ASXL3: variants seen among roughly 807,000 people sequenced by gnomAD.
The protein encoded by ASXL3 is ASXL transcriptional regulator 3.
ASXL3 carries 34 observed loss-of-function variants against 170.6 expected under a neutral mutation model. That is an observed-to-expected ratio of 0.20 (90% CI 0.15 to 0.27). The LOEUF (loss-of-function observed/expected upper bound fraction) is 0.27. ASXL3 is among the 10% of genes least tolerant of loss of function. The pLI, the probability that ASXL3 is intolerant of heterozygous loss-of-function variation, is 1.00. For missense variants in ASXL3, 2,592 were observed against 2,695.3 expected (o/e 0.96, Z 0.85); for synonymous variants, 1,002 against 989.1 (o/e 1.01, Z -0.24).
At chr18:33,613,071 G>A (rs2065363289) in intron 2 of ASXL3, among the ~76,000 whole-genome samples, 1 of 152,070 alleles carries the variant, frequency 6.6e-6, no homozygotes, top group African/African-American at 2.4e-5. Flanking sequence ...GCATATATTT[G>A]TGTGTGTACA....
intron 4 of ASXL3, among the ~76,000 whole-genome samples, chr18:33,650,700 T>C (rs1420158089): frequency 1.3e-5 from 2 of 152,082 alleles, no homozygotes. Context: ...TACCCAAACA[T>C]ATCCAGCTAA....
At chr18:33,669,203 G>A (rs2066304130) in intron 5 of ASXL3, among the ~76,000 whole-genome samples, 2 of 152,134 alleles carry the variant, frequency 1.3e-5, no homozygotes, top group African/African-American at 2.4e-5. Context: ...GTGCAATTAT[G>A]TATACATCTT....
chr18:33,746,795 T>C lies in ASXL3; in HGVS notation c.*200T>C. On this transcript the variant is annotated 3_prime_UTR_variant, in exon 12 of 12. Transcript: ENST00000269197. ...CCCAACTGAATGGCTCACTGGCATGTCTTTTATGTGTTCAGTTGCCATTCC... is the reference window on the plus strand; with the variant it reads ...CCCAACTGAATGGCTCACTGGCATGCCTTTTATGTGTTCAGTTGCCATTCC... The C allele has an allele frequency of 1.2e-6, 1 of 812,506 alleles. No homozygotes were observed. The highest frequency in any genetic ancestry group is 1.8e-6 in the Non-Finnish European group (1 of 563,118). The allele number at this position is 812,506 out of a possible 1,614,324, so 50.3% of individuals were successfully genotyped here. A position where few individuals can be genotyped will look rare whatever the true frequency, so the allele number is the denominator to read the frequency against.
At position 33,745,533 on chromosome 18, in the gene ASXL3, A is replaced by T; in HGVS notation, c.5685A>T (p.Lys1895Asn). ...GAATTGTTCACAGCCCTGAGGTCAA[A>T]CAGCAAAAGCGGCTGCTCCCCTCGT... ...QNRIVHSPEV[K>N]QQKRLLPSCS... The change falls in exon 12 of 12, where the codon AAA becomes AAT. Residue 1895 changes from lysine (K) to asparagine (N), a missense_variant. By Grantham distance (94) the Lys-to-Asn change is moderately conservative (BLOSUM62 0). Coordinates refer to ENST00000269197, the MANE Select transcript of ASXL3 (RefSeq NM_030632.3). 6.2e-7 allele frequency: 1 copy of T among 1,613,986 alleles called. No homozygotes were observed. The highest frequency in any genetic ancestry group is 8.5e-7 in the Non-Finnish European group (1 of 1,179,896).
chr18:33,599,892 G>A (rs1448708201), intron 1 of ASXL3, among the ~76,000 whole-genome samples: 3 of 152,046 alleles, frequency 2.0e-5, no homozygotes, highest in Non-Finnish European at 4.4e-5. Context: ...GAAAGATCTG[G>A]AACTTTTAGT....
At chr18:33,665,840 T>C (rs2066247564) in intron 5 of ASXL3, among the ~76,000 whole-genome samples, 1 of 152,194 alleles carries the variant, frequency 6.6e-6, no homozygotes, top group Non-Finnish European at 1.5e-5. Context: ...TTGATTTCTT[T>C]CCTTGCACTT....
intron 2 of ASXL3, chr18:33,614,886 CAAACA>C (rs1198574386): frequency 6.6e-6 from 1 of 151,800 alleles, no homozygotes. Context: ...AACCATGTTG[CAAACA>C]GATGTGGTGT....
chr18:33,578,608 C>G lies in ASXL3; in HGVS notation c.-24C>G. The G allele has an allele frequency of 7.6e-7, 1 of 1,313,114 alleles. No individual in the cohort carries two copies. The highest frequency in any genetic ancestry group is 1.0e-6 in the Non-Finnish European group (1 of 1,003,260). 81.3% of individuals were successfully genotyped at this position (1,313,114 alleles called of 1,614,324 possible). On this transcript the variant is annotated 5_prime_UTR_variant, in exon 1 of 12. In the 5' UTR this introduces an upstream ATG that the reference lacks. Coordinates refer to ENST00000269197, the MANE Select transcript of ASXL3 (RefSeq NM_030632.3). ...CCCGTGGAATCCCCCACGTCATCAT[C>G]AGAACCATCAATGAGATGCAAACAT...
chr18:33,625,660 T>C (rs2065591449), intron 2 of ASXL3: 1 of 152,090 alleles, frequency 6.6e-6, no homozygotes. Context: ...TCTAGGTATC[T>C]GACATCAGCA....
intron 10 of ASXL3, among the ~76,000 whole-genome samples, chr18:33,738,160 C>T (rs868716183): frequency 4.9e-4 from 74 of 151,442 alleles, no homozygotes; most frequent in African/African-American, 1.7e-3. Flanking sequence ...ATAAATTAAG[C>T]ATGTTAGTGA....
intron 2 of ASXL3, among the ~76,000 whole-genome samples, chr18:33,634,203 A>G (rs1271550391): frequency 6.6e-6 from 1 of 152,170 alleles, no homozygotes; most frequent in Non-Finnish European, 1.5e-5. Context: ...ACAAAATTAG[A>G]GAAGAGTCAC....
intron 8 of ASXL3, among the ~76,000 whole-genome samples, chr18:33,722,911 C>T (rs1304336557): frequency 6.6e-6 from 1 of 152,082 alleles, no homozygotes; most frequent in African/African-American, 2.4e-5. Flanking sequence ...ATCCTACAGC[C>T]CTTAAGAATT....
intron 2 of ASXL3, among the ~76,000 whole-genome samples, chr18:33,636,946 T>A (rs1465877117): frequency 6.6e-6 from 1 of 152,142 alleles, no homozygotes; most frequent in Admixed American, 6.5e-5. Flanking sequence ...ATTTCAAATT[T>A]TCAGATTTGG....
At chr18:33,690,982 A>G (rs1317749242) in intron 8 of ASXL3, among the ~76,000 whole-genome samples, 1 of 152,088 alleles carries the variant, frequency 6.6e-6, no homozygotes, top group African/African-American at 2.4e-5. Flanking sequence ...TGGCTCTGTG[A>G]TTCCCTCCTG....
intron 8 of ASXL3, among the ~76,000 whole-genome samples, chr18:33,707,703 T>C (rs1432173546): frequency 1.3e-5 from 2 of 152,008 alleles, no homozygotes. Context: ...TGGTATAGTG[T>C]TGAAGACAAG....
At position 33,743,340 on chromosome 18, in the gene ASXL3, C is replaced by T. The variant is rs541759227; in HGVS notation, c.3492C>T (p.Asn1164=). The change falls in exon 12 of 12, where the codon AAC becomes AAT. Residue 1164 remains asparagine (N), a synonymous_variant. Coordinates refer to ENST00000269197, the MANE Select transcript of ASXL3 (RefSeq NM_030632.3). ...CTGGTGTCATTATTGTCAATCCAAACTGTAGATCTCCTAGCAACAAGTCTG... is the reference window on the plus strand; with the variant it reads ...CTGGTGTCATTATTGTCAATCCAAATTGTAGATCTCCTAGCAACAAGTCTG... The part of the protein sequence containing the change: ...GSTGVIIVNP[N]CRSPSNKSAH... 1.9e-6 allele frequency: 3 copies of T among 1,613,740 alleles called. No individual in the cohort carries two copies. The highest frequency in any genetic ancestry group is 2.5e-6 in the Non-Finnish European group (3 of 1,179,844).
chr18:33,664,601 T>C (rs1415817594), intron 5 of ASXL3, among the ~76,000 whole-genome samples: 1 of 152,128 alleles, frequency 6.6e-6, no homozygotes, highest in Admixed American at 6.6e-5. Flanking sequence ...CCAAATAGCT[T>C]TATAATCATA....
intron 1 of ASXL3, among the ~76,000 whole-genome samples, chr18:33,602,127 T>C (rs1390820707): frequency 3.3e-5 from 5 of 151,858 alleles, no homozygotes; most frequent in African/African-American, 1.2e-4. Context: ...GTGAAATTGC[T>C]GAACTGGGGT....
At chr18:33,595,272 C>T (rs2145103775) in intron 1 of ASXL3, among the ~76,000 whole-genome samples, 1 of 152,200 alleles carries the variant, frequency 6.6e-6, no homozygotes, top group East Asian at 1.9e-4. Flanking sequence ...GGGTCAAGTG[C>T]ATATTTAACA....
Sources: gnomAD v4.1 joint callset for allele counts (sites outside exome capture counted in the v4.1 genomes callset) on GRCh38, gnomAD v4.1.1 for gene constraint, MANE v1.5 for transcripts, NCBI Gene and HGNC (gene_info 2026-07-23, HGNC 2026-07-21) for gene names.